ATP13A2: variants seen among roughly 807,000 people sequenced by gnomAD.
ATP13A2 encodes ATPase cation transporting 13A2.
ATP13A2 carries 83 observed loss-of-function variants against 138.3 expected under a neutral mutation model. The observed-to-expected ratio is 0.60, with a 90% CI of 0.50 to 0.72. ATP13A2 has a LOEUF of 0.72. Among genes scored for constraint, ATP13A2 ranks in the 30% least tolerant of loss-of-function variants. The probability of loss-of-function intolerance (pLI) is 0.00; values close to 1 mark genes in which losing one functional copy is unlikely to be tolerated. For missense variants in ATP13A2, 1,402 were observed against 1,606.4 expected, an observed-to-expected ratio of 0.87 and a Z score of 2.17; for synonymous variants, 663 against 699.0, an observed-to-expected ratio of 0.95 and a Z score of 0.81.
In ATP13A2 at chr1:17,008,295, C is replaced by G. The variant is rs141438159; in HGVS notation, c.11-2517G>C. ...TAGCTGGGACTACAGGCACAGGCCACCATGCCCAGCTAATTTTTTTTGTAG... is the reference window on the plus strand; with the variant it reads ...TAGCTGGGACTACAGGCACAGGCCAGCATGCCCAGCTAATTTTTTTTGTAG... On this transcript the variant is annotated intron_variant, in intron 1 of 28. Transcript: ENST00000326735. 9.0e-3 allele frequency among the ~76,000 whole-genome samples: 1,373 copies of G among 152,312 alleles called. 15 individuals are homozygous for G. Among genetic ancestry groups the G allele is most frequent in the Admixed American group, 0.012 (183 of 15,300 alleles).
At chr1:17,000,357 G>A (rs2077307602) in intron 9 of ATP13A2, 43 bp downstream of exon 9, 1 of 1,591,842 alleles carries the variant, frequency 6.3e-7, no homozygotes, top group Admixed American at 1.8e-5. Context: ...GGGGGCCCCT[G>A]GGGACCCACC....
Position 17,005,086 on chromosome 1 carries a change from G to GTA in ATP13A2, c.289-16_289-15dup, listed in dbSNP as rs772375472. The stretch of plus-strand genomic sequence containing the variant: ...CCAGGAACTATCCTGGAACACAGAG[G>GTA]TATGGACTCAGTCTCAGAAGAGTCC... On this transcript the variant is annotated splice_polypyrimidine_tract_variant and intron_variant, in intron 3 of 28. Coordinates refer to ENST00000326735, the MANE Select transcript of ATP13A2 (RefSeq NM_022089.4). 6.2e-7 allele frequency: 1 copy of GTA among 1,614,012 alleles called. No homozygotes were observed. The highest frequency in any genetic ancestry group is 8.5e-7 in the Non-Finnish European group (1 of 1,179,990).
intron 11 of ATP13A2, among the ~76,000 whole-genome samples, chr1:16,998,200 T>C (rs991674446): frequency 6.6e-6 from 1 of 152,112 alleles, no homozygotes; most frequent in Non-Finnish European, 1.5e-5. Flanking sequence ...CTGATCACAA[T>C]TACTACTTTT....
chr1:16,988,084 G>A (rs2076798106), intron 25 of ATP13A2, 54 bp downstream of exon 25: 8 of 1,519,634 alleles, frequency 5.3e-6, no homozygotes, highest in Non-Finnish European at 7.3e-6. Flanking sequence ...ACAGGGCTGT[G>A]TCCCCTCCCT....
At chr1:17,001,726 A>C (rs1045171862) in intron 8 of ATP13A2, among the ~76,000 whole-genome samples, 1 of 152,084 alleles carries the variant, frequency 6.6e-6, no homozygotes, top group African/African-American at 2.4e-5. Flanking sequence ...CACAGAGAGG[A>C]CCCAGGCTCT....
At position 17,004,564 on chromosome 1, in the gene ATP13A2, A is replaced by C. The variant is rs1383521217; in HGVS notation, c.477+128T>G. 6.3e-7 allele frequency: 1 copy of C among 1,584,490 alleles called. No homozygotes were observed. The highest frequency in any genetic ancestry group is 8.6e-7 in the Non-Finnish European group (1 of 1,159,880). ...GAGGCCTGAAAGTGTAAACGTGCTCAGACAGCATCCTGGATGTTTGGGACA... is the reference window on the plus strand; with the variant it reads ...GAGGCCTGAAAGTGTAAACGTGCTCCGACAGCATCCTGGATGTTTGGGACA... On this transcript the variant is annotated intron_variant, in intron 5 of 28. Coordinates refer to ENST00000326735, the MANE Select transcript of ATP13A2 (RefSeq NM_022089.4). This position sits in a 1 kb window ranked among gnomAD's most constrained non-coding sequence, Gnocchi z 4.1.
In ATP13A2 at chr1:16,997,145, A is replaced by AGTGCC. The variant is rs2077160189; in HGVS notation, c.1065_1069dup (p.Leu357ArgfsTer41). 6.2e-7 allele frequency: 1 copy of AGTGCC among 1,613,550 alleles called. No homozygotes were observed. ...ACAGTAGGGCCCCAGCCCCTCCGGC[A>AGTGCC]GTGCCGTCTTCAGCACTGGAATGCT... is the stretch of plus-strand genomic sequence containing the variant. On this transcript the variant is annotated frameshift_variant, in exon 12 of 29. Coordinates refer to ENST00000326735, the MANE Select transcript of ATP13A2 (RefSeq NM_022089.4). LOFTEE classifies it high-confidence loss of function.
At chr1:16,997,305 T>C (rs2077166537) in intron 11 of ATP13A2, 130 bp from the exon 12 acceptor site, 3 of 1,106,728 alleles carry the variant, frequency 2.7e-6, no homozygotes, top group South Asian at 2.7e-5. Flanking sequence ...GAACAAGAAA[T>C]CACAGCCCCA....
chr1:17,002,008 G>C, intron 8 of ATP13A2, 26 bp downstream of exon 8: 1 of 1,598,392 alleles, frequency 6.3e-7, no homozygotes, highest in Non-Finnish European at 8.5e-7. Context: ...AGGCAGGGCT[G>C]GGGCAAGACC....
chr1:17,002,019 C>A lies in ATP13A2; in HGVS notation c.705+15G>T, dbSNP rs370401430. 1 of 1,604,940 alleles carries A rather than the reference C, an allele frequency of 6.2e-7. No individual in the cohort carries two copies. The highest frequency in any genetic ancestry group is 8.5e-7 in the Non-Finnish European group (1 of 1,174,386). On this transcript the variant is annotated intron_variant, in intron 8 of 28. Transcript: ENST00000326735. ...CGCCAGGCAGGGCTGGGGCAAGACC[C>A]AGGGACAGCCCTACCTCGTCCACCA...
rs572680997 is a variant in ATP13A2 at position 16,995,122 on chromosome 1, C to G, written c.1542+854G>C. On this transcript the variant is annotated intron_variant, in intron 15 of 28. Coordinates refer to ENST00000326735, the MANE Select transcript of ATP13A2 (RefSeq NM_022089.4). This position sits in a 1 kb window ranked among gnomAD's most constrained non-coding sequence, Gnocchi z 4.1. ...GCCACGCCACTCCCTGTGCCCCAGG[C>G]ACACGGTACATCTGTGCTATGACAC... is the stretch of plus-strand genomic sequence containing the variant. 1.8e-4 allele frequency among the ~76,000 whole-genome samples: 28 copies of G among 152,326 alleles called. No individual in the cohort carries two copies. Among genetic ancestry groups the G allele is most frequent in the African/African-American group, 6.5e-4 (27 of 41,570 alleles).
chr1:17,004,502 G>A lies in ATP13A2; in HGVS notation c.478-91C>T. The A allele has an allele frequency of 6.5e-7, 1 of 1,548,732 alleles. No individual in the cohort carries two copies. Among genetic ancestry groups the A allele is most frequent in the South Asian group, 1.1e-5 (1 of 87,456 alleles). Reference sequence around the variant, plus strand: ...CTGGGAGCCGAGGGATGGGGGTAGGGGGCAGGGACTGGTGTCACCAGACAG... The same window carrying A: ...CTGGGAGCCGAGGGATGGGGGTAGGAGGCAGGGACTGGTGTCACCAGACAG... On this transcript the variant is annotated intron_variant, in intron 5 of 28. Transcript: ENST00000326735. This position sits in a 1 kb window ranked among gnomAD's most constrained non-coding sequence, Gnocchi z 4.1.
Position 16,986,478 on chromosome 1 carries a change from C to T in ATP13A2, c.3390G>A (p.Gly1130=), listed in dbSNP as rs2100633910. ...LLGLVTLNFV[G]AFMLESVLDQ... ...CGGGCCCCACCTCCAGCATGAAGGC[C>T]CCCACGAAGTTGAGGGTGACCAGAC... Residue 1130 remains glycine, a synonymous_variant, in exon 28 of 29, where the codon GGG becomes GGA. Coordinates refer to ENST00000326735, the MANE Select transcript of ATP13A2 (RefSeq NM_022089.4). The surrounding 1 kb of genome is among the most constrained non-coding windows in gnomAD (Gnocchi z 6.9). 7 of 1,612,360 alleles carry T rather than the reference C, an allele frequency of 4.3e-6. No homozygotes were observed. The highest frequency in any genetic ancestry group is 5.9e-6 in the Non-Finnish European group (7 of 1,179,856).
At chr1:17,007,856 T>C (rs1249771924) in intron 1 of ATP13A2, among the ~76,000 whole-genome samples, 1 of 151,636 alleles carries the variant, frequency 6.6e-6, no homozygotes, top group African/African-American at 2.4e-5. Context: ...CGGCGAGCCC[T>C]TCTAAAATTT....
chr1:16,996,446 G>T lies in ATP13A2; in HGVS notation c.1246C>A (p.Pro416Thr), dbSNP rs1339574642. The T allele has an allele frequency of 1.7e-5, 27 of 1,614,032 alleles. No individual in the cohort carries two copies. Among genetic ancestry groups the T allele is most frequent in the Non-Finnish European group, 2.3e-5 (27 of 1,180,038 alleles). Residue 416 changes from proline (P) to threonine (T), a missense_variant, in exon 13 of 29, where the codon CCC (proline) becomes ACC (threonine). Transcript: ENST00000326735. ...TGTTTATAGAACTTGAAGTTGATGGGCCGGGGGTGCAAGATGGAGCTCACC... is the reference window on the plus strand; with the variant it reads ...TGTTTATAGAACTTGAAGTTGATGGTCCGGGGGTGCAAGATGGAGCTCACC... ...GLVSSILHPRPINFKFYKHSM... is the reference protein window; with the variant it reads ...GLVSSILHPRTINFKFYKHSM...
intron 8 of ATP13A2, 80 bp downstream of exon 8, chr1:17,001,954 G>A: frequency 7.0e-7 from 1 of 1,438,588 alleles, no homozygotes; most frequent in Non-Finnish European, 9.5e-7. Context: ...ACCGTAAAGT[G>A]GCCCAGAGGA....
chr1:16,997,200 C>G (rs771921215), intron 11 of ATP13A2, 25 bp from the exon 12 acceptor site: 19 of 1,612,846 alleles, frequency 1.2e-5, no homozygotes, highest in Non-Finnish European at 8.5e-6. Context: ...GGTGTGAGGA[C>G]CACTCCACAC....
intron 1 of ATP13A2, among the ~76,000 whole-genome samples, chr1:17,009,246 C>T (rs1181629029): frequency 6.6e-6 from 1 of 152,186 alleles, no homozygotes; most frequent in Non-Finnish European, 1.5e-5. Context: ...GCCCTTACTG[C>T]TCACAGTACC....
chr1:17,011,292 C>CCATT lies in ATP13A2; in HGVS notation c.10+433_10+436dup, dbSNP rs896799605. Among the ~76,000 whole-genome samples the CCATT allele has an allele frequency of 1.1e-4, 16 of 152,212 alleles. No homozygotes were observed. Among genetic ancestry groups the CCATT allele is most frequent in the South Asian group, 2.1e-4 (1 of 4,820 alleles). On this transcript the variant is annotated intron_variant, in intron 1 of 28. Coordinates refer to ENST00000326735, the MANE Select transcript of ATP13A2 (RefSeq NM_022089.4). This position sits in a 1 kb window ranked among gnomAD's most constrained non-coding sequence, Gnocchi z 7.3. The stretch of plus-strand genomic sequence containing the variant: ...AAATGGAGTCCCGACTCCCCCAACG[C>CCATT]CATTCATTCATTCATTCAGCCCAGA...
Sources: allele counts gnomAD v4.1 joint callset (sites outside exome capture counted in the v4.1 genomes callset), GRCh38; gene constraint gnomAD v4.1.1; non-coding constraint Gnocchi (gnomAD v3.1); transcripts MANE v1.5; gene names NCBI Gene and HGNC (gene_info 2026-07-23, HGNC 2026-07-21).